Variants in NSMCE1 observed in about 807,000 individuals in gnomAD.
NSMCE1 encodes the protein NSE1 component of SMC5/6 complex.
Under a neutral mutation model 29.6 loss-of-function variants are expected in NSMCE1, and 18 were observed. The ratio of observed to expected loss-of-function variants is 0.61; its 90% CI spans 0.42 to 0.90. The LOEUF (loss-of-function observed/expected upper bound fraction) is 0.90. Among genes scored for constraint, NSMCE1 ranks in the 40% least tolerant of loss-of-function variants. The probability of loss-of-function intolerance (pLI) is 0.00; values close to 1 mark genes in which losing one functional copy is unlikely to be tolerated. For missense variants in NSMCE1, 314 were observed against 343.6 expected (o/e 0.91, Z 0.68); for synonymous variants, 124 against 133.4 (o/e 0.93, Z 0.49).
intron 2 of NSMCE1, among the ~76,000 whole-genome samples, chr16:27,244,911 C>A (rs1337749628): frequency 6.6e-6 from 1 of 152,258 alleles, no homozygotes; most frequent in Non-Finnish European, 1.5e-5. Context: ...ATGTGTGGTA[C>A]AAGTGGTGAC....
chr16:27,241,727 C>A (rs956256557), intron 2 of NSMCE1: 3 of 325,454 alleles, frequency 9.2e-6, no homozygotes, highest in African/African-American at 4.3e-5. Flanking sequence ...TGTGGTAGAT[C>A]ACTTAGTGAC....
At chr16:27,246,583 C>T (rs1348789060) in intron 2 of NSMCE1, among the ~76,000 whole-genome samples, 2 of 152,184 alleles carry the variant, frequency 1.3e-5, no homozygotes, top group South Asian at 2.1e-4. Flanking sequence ...CTCTGCCTCC[C>T]GGGTTCAAGG....
chr16:27,266,920 G>A (rs2084232317), intron 1 of NSMCE1, among the ~76,000 whole-genome samples: 1 of 151,790 alleles, frequency 6.6e-6, no homozygotes, highest in Non-Finnish European at 1.5e-5. Flanking sequence ...CATAATGTGG[G>A]CAGCAAAAGA....
chr16:27,251,922 C>A (rs1222960111), intron 2 of NSMCE1, among the ~76,000 whole-genome samples: 1 of 152,216 alleles, frequency 6.6e-6, no homozygotes, highest in Non-Finnish European at 1.5e-5. Flanking sequence ...GCAACCTCTA[C>A]CTGCCTTAGT....
chr16:27,239,543 C>T (rs1015471542), intron 2 of NSMCE1, among the ~76,000 whole-genome samples: 2 of 152,228 alleles, frequency 1.3e-5, no homozygotes, highest in African/African-American at 4.8e-5. Flanking sequence ...TAATTAACAA[C>T]ACCACTCCTT....
chr16:27,251,178 ATATATATATAT>A (rs1402770043), intron 2 of NSMCE1, among the ~76,000 whole-genome samples: 4 of 73,024 alleles, frequency 5.5e-5, no homozygotes, highest in African/African-American at 1.4e-4. Flanking sequence ...ATATATATAT[ATATATATATAT>A]AAATATATAT....
At chr16:27,255,293 C>G (rs949912413) in intron 2 of NSMCE1, among the ~76,000 whole-genome samples, 1 of 152,206 alleles carries the variant, frequency 6.6e-6, no homozygotes, top group Non-Finnish European at 1.5e-5. Context: ...TGCGGCGCAT[C>G]TACCTTCACC....
At chr16:27,265,229 A>T (rs538747215) in intron 1 of NSMCE1, among the ~76,000 whole-genome samples, 1 of 138,654 alleles carries the variant, frequency 7.2e-6, no homozygotes, top group South Asian at 2.3e-4. Flanking sequence ...ATGAAGTGAC[A>T]CAGTCATAGC....
chr16:27,257,328 T>A, intron 2 of NSMCE1, 107 bp downstream of exon 2: 4 of 873,566 alleles, frequency 4.6e-6, no homozygotes, highest in Non-Finnish European at 6.6e-6. Flanking sequence ...GCTTGAATGC[T>A]CAGCTCAGGA....
intron 1 of NSMCE1, among the ~76,000 whole-genome samples, chr16:27,261,422 C>G (rs1370681503): frequency 6.6e-6 from 1 of 151,604 alleles, no homozygotes; most frequent in Non-Finnish European, 1.5e-5. Flanking sequence ...AGACAAATAT[C>G]TGCAATTAAC....
At chr16:27,255,642 T>C (rs2084079179) in intron 2 of NSMCE1, among the ~76,000 whole-genome samples, 1 of 152,222 alleles carries the variant, frequency 6.6e-6, no homozygotes, top group Non-Finnish European at 1.5e-5. Flanking sequence ...CAGATGCTAC[T>C]CTCCAGACAC....
chr16:27,225,214 C>G lies in NSMCE1; in HGVS notation c.744G>C (p.Glu248Asp), dbSNP rs759913770. 1.9e-6 allele frequency: 3 copies of G among 1,606,882 alleles called. No homozygotes were observed. In the East Asian group the frequency reaches 6.7e-5, roughly 36 times the overall value. The change falls in exon 8 of 8, where the codon GAG becomes GAC. Residue 248 changes from glutamate to aspartate, a missense_variant. Physicochemically the swap from Glu to Asp is conservative, Grantham distance 45. Transcript: ENST00000361439. Reference protein sequence around the residue: ...EIPKVFDPEKERESGVLKSNK... With the variant: ...EIPKVFDPEKDRESGVLKSNK... ...TCGATTTCAAGACACCAGACTCCCTCTCCTTCTCAGGGTCGAAGACTTCTG... is the reference window on the plus strand; with the variant it reads ...TCGATTTCAAGACACCAGACTCCCTGTCCTTCTCAGGGTCGAAGACTTCTG...
Position 27,233,158 on chromosome 16 carries a change from G to A in NSMCE1, c.337-11C>T. 6.2e-7 allele frequency: 1 copy of A among 1,609,504 alleles called. No homozygotes were observed. The highest frequency in any genetic ancestry group is 8.5e-7 in the Non-Finnish European group (1 of 1,178,482). On this transcript the variant is annotated splice_polypyrimidine_tract_variant and intron_variant, in intron 4 of 7. Coordinates refer to ENST00000361439, the MANE Select transcript of NSMCE1 (RefSeq NM_145080.4). Reference sequence around the variant, plus strand: ...AATAATCAGTTCCAGCTGGAAGAAAGAGCAGGTATCATGCTCATCTATTAA... The same window carrying A: ...AATAATCAGTTCCAGCTGGAAGAAAAAGCAGGTATCATGCTCATCTATTAA...
Position 27,267,734 on chromosome 16 carries a change from A to ATT in NSMCE1, c.-12+970_-12+971dup, listed in dbSNP as rs111284469. On this transcript the variant is annotated intron_variant, in intron 1 of 7. Transcript: ENST00000361439. Reference sequence around the variant, plus strand: ...TTATCCCAACAGTGTAAATATATGCATTTTTTTTTTTGAGACGGAGTTTCG... The same window carrying ATT: ...TTATCCCAACAGTGTAAATATATGCATTTTTTTTTTTTTGAGACGGAGTTTCG... Among the ~76,000 whole-genome samples, 299 of 147,880 alleles carry ATT rather than the reference A, an allele frequency of 2.0e-3. 1 individual carries two copies. Among genetic ancestry groups the ATT allele is most frequent in the African/African-American group, 6.9e-3 (279 of 40,412 alleles).
At chr16:27,265,560 C>G (rs940120456) in intron 1 of NSMCE1, among the ~76,000 whole-genome samples, 1 of 152,172 alleles carries the variant, frequency 6.6e-6, no homozygotes, top group Non-Finnish European at 1.5e-5. Flanking sequence ...ATATACCTTA[C>G]AGAAACTTCC....
intron 2 of NSMCE1, among the ~76,000 whole-genome samples, chr16:27,254,583 C>A (rs902128719): frequency 6.6e-6 from 1 of 152,146 alleles, no homozygotes; most frequent in Non-Finnish European, 1.5e-5. Context: ...AGGATTAACA[C>A]AAGCATTCTT....
chr16:27,235,711 C>T (rs1474972977), intron 2 of NSMCE1, among the ~76,000 whole-genome samples: 1 of 152,236 alleles, frequency 6.6e-6, no homozygotes, highest in African/African-American at 2.4e-5. Flanking sequence ...TCCCCAGTGC[C>T]CCGCGAGAGG....
intron 2 of NSMCE1, among the ~76,000 whole-genome samples, chr16:27,244,315 C>T (rs1269345622): frequency 1.3e-5 from 2 of 152,248 alleles, no homozygotes; most frequent in African/African-American, 2.4e-5. Context: ...TGACTGCAGT[C>T]GCTCTGACAG....
chr16:27,249,305 T>A (rs549741263), intron 2 of NSMCE1, among the ~76,000 whole-genome samples: 2 of 152,366 alleles, frequency 1.3e-5, no homozygotes, highest in South Asian at 4.1e-4. Context: ...ATTTATCGAT[T>A]CATTCTCTTA....
Sources: allele counts gnomAD v4.1 joint callset (sites outside exome capture counted in the v4.1 genomes callset), GRCh38; gene constraint gnomAD v4.1.1; transcripts MANE v1.5; gene names NCBI Gene and HGNC (gene_info 2026-07-23, HGNC 2026-07-21).